MEOX2: variants seen among roughly 807,000 people sequenced by gnomAD.
MEOX2 encodes the protein homeobox protein MOX-2.
MEOX2 carries 11 observed loss-of-function variants against 27.0 expected under a neutral mutation model. The observed-to-expected ratio is 0.41, with a 90% CI of 0.26 to 0.68. The LOEUF is 0.68. Among genes scored for constraint, MEOX2 ranks in the 30% least tolerant of loss-of-function variants. MEOX2 has a pLI of 0.33. For missense variants in MEOX2, 436 were observed against 385.4 expected, an observed-to-expected ratio of 1.13 and a Z score of -1.10; for synonymous variants, 189 against 155.4, an observed-to-expected ratio of 1.22 and a Z score of -1.61.
At chr7:15,668,415 T>C (rs1782043292) in intron 1 of MEOX2, 1 of 152,250 alleles carries the variant, frequency 6.6e-6, no homozygotes, top group Admixed American at 6.5e-5. Flanking sequence ...GTTAATCTAC[T>C]GTTTATGTTA....
intron 1 of MEOX2, among the ~76,000 whole-genome samples, chr7:15,663,623 G>A (rs756516513): frequency 6.6e-6 from 1 of 152,154 alleles, no homozygotes; most frequent in African/African-American, 2.4e-5. Flanking sequence ...ACAGGCGTGA[G>A]CCACCGCGCC....
intron 2 of MEOX2, among the ~76,000 whole-genome samples, chr7:15,616,739 G>A (rs1039363318): frequency 1.3e-5 from 2 of 151,794 alleles, no homozygotes; most frequent in Non-Finnish European, 2.9e-5. Context: ...ACTACACAGA[G>A]TACAAGAATT....
chr7:15,677,545 T>C lies in MEOX2; in HGVS notation c.517+8341A>G, dbSNP rs187947841. On this transcript the variant is annotated intron_variant, in intron 1 of 2. Coordinates refer to ENST00000262041, the MANE Select transcript of MEOX2 (RefSeq NM_005924.5). ...AGCAACAAAAGAAGATTGGAGGACATGAAGACAGGTTACTGGATGATATTC... is the reference window on the plus strand; with the variant it reads ...AGCAACAAAAGAAGATTGGAGGACACGAAGACAGGTTACTGGATGATATTC... 10 of 152,342 alleles carry C rather than the reference T, an allele frequency of 6.6e-5. No homozygotes were observed. The East Asian group carries it at 1.9e-3, about 29-fold the overall frequency. The allele number at this position is 152,342 out of a possible 1,614,324, so 9.4% of individuals were successfully genotyped here. A position where few individuals can be genotyped will look rare whatever the true frequency, so the allele number is the denominator to read the frequency against.
intron 1 of MEOX2, among the ~76,000 whole-genome samples, chr7:15,637,811 G>C (rs1781508043): frequency 6.6e-6 from 1 of 151,896 alleles, no homozygotes; most frequent in African/African-American, 2.4e-5. Context: ...TTCTGAGGCT[G>C]GTTTTTGAAA....
intron 1 of MEOX2, chr7:15,678,812 A>AC (rs1365794192): frequency 6.6e-6 from 1 of 152,064 alleles, no homozygotes; most frequent in Non-Finnish European, 1.5e-5. Flanking sequence ...CCTAAGCTGG[A>AC]CCCTCCTCTA....
chr7:15,656,717 A>C (rs181767196), intron 1 of MEOX2, among the ~76,000 whole-genome samples: 161 of 152,130 alleles, frequency 1.1e-3, no homozygotes, highest in African/African-American at 3.4e-3. Context: ...TTTATGTAAC[A>C]ATAATAACAT....
intron 2 of MEOX2, among the ~76,000 whole-genome samples, chr7:15,620,617 A>G (rs1334222783): frequency 4.6e-5 from 7 of 151,718 alleles, no homozygotes; most frequent in Admixed American, 3.3e-4. Flanking sequence ...AGACAAAACC[A>G]CTCTTTATTT....
intron 1 of MEOX2, among the ~76,000 whole-genome samples, chr7:15,628,217 A>G (rs1781346085): frequency 6.6e-6 from 1 of 151,968 alleles, no homozygotes; most frequent in African/African-American, 2.4e-5. Flanking sequence ...TTAGTGTTCT[A>G]TTTCTTTCTG....
At chr7:15,640,966 G>T (rs1781550319) in intron 1 of MEOX2, among the ~76,000 whole-genome samples, 1 of 152,078 alleles carries the variant, frequency 6.6e-6, no homozygotes, top group Non-Finnish European at 1.5e-5. Flanking sequence ...ATGTTCATCA[G>T]AGATATTGGC....
chr7:15,628,542 A>G (rs1406636399), intron 1 of MEOX2, among the ~76,000 whole-genome samples: 1 of 152,030 alleles, frequency 6.6e-6, no homozygotes, highest in Non-Finnish European at 1.5e-5. Context: ...CTAGCTTCTC[A>G]CCTTAGCAGG....
intron 1 of MEOX2, chr7:15,681,874 C>A (rs2115398330): frequency 6.6e-6 from 1 of 151,848 alleles, no homozygotes; most frequent in South Asian, 2.1e-4. Context: ...TTAAAATGAA[C>A]TATAAATGAA....
chr7:15,616,742 C>G (rs1781129502), intron 2 of MEOX2, among the ~76,000 whole-genome samples: 1 of 151,780 alleles, frequency 6.6e-6, no homozygotes, highest in South Asian at 2.1e-4. Flanking sequence ...ACACAGAGTA[C>G]AAGAATTCTC....
At chr7:15,614,132 G>A (rs10259769) in intron 2 of MEOX2, among the ~76,000 whole-genome samples, 93,811 of 150,372 alleles carry the variant, frequency 0.62, 29,967 homozygotes, top group East Asian at 0.81. Context: ...ATATTCTATT[G>A]TGTCTTCTTC....
At chr7:15,657,200 C>T (rs1026956880) in intron 1 of MEOX2, among the ~76,000 whole-genome samples, 3 of 151,956 alleles carry the variant, frequency 2.0e-5, no homozygotes, top group Non-Finnish European at 2.9e-5. Flanking sequence ...TTAGGATTCT[C>T]GCAGCTGCTT....
intron 1 of MEOX2, among the ~76,000 whole-genome samples, chr7:15,658,014 C>A (rs1183835009): frequency 6.6e-6 from 1 of 152,190 alleles, no homozygotes; most frequent in Non-Finnish European, 1.5e-5. Context: ...ATTTCTAGCT[C>A]CCCACTCGGC....
chr7:15,615,897 C>G (rs1234631724), intron 2 of MEOX2, among the ~76,000 whole-genome samples: 2 of 151,704 alleles, frequency 1.3e-5, no homozygotes, highest in South Asian at 2.1e-4. Flanking sequence ...ATTTCTTTTT[C>G]TAGGAGAAGG....
chr7:15,662,079 C>G (rs907669122), intron 1 of MEOX2, among the ~76,000 whole-genome samples: 1 of 101,118 alleles, frequency 9.9e-6, no homozygotes, highest in Admixed American at 1.5e-4. Flanking sequence ...CCCCACCCCC[C>G]ACCCTACCAA....
intron 1 of MEOX2, among the ~76,000 whole-genome samples, chr7:15,631,298 A>C (rs1216401896): frequency 1.3e-5 from 2 of 151,406 alleles, no homozygotes; most frequent in Non-Finnish European, 2.9e-5. Context: ...CTTTTTCACT[A>C]TCTGTCCTCT....
chr7:15,623,264 A>G (rs1002719209), intron 2 of MEOX2, among the ~76,000 whole-genome samples: 2 of 152,364 alleles, frequency 1.3e-5, no homozygotes, highest in African/African-American at 4.8e-5. Context: ...CTTCAAGAAT[A>G]GCAAAGTTGA....
Sources: allele counts gnomAD v4.1 joint callset (sites outside exome capture counted in the v4.1 genomes callset), GRCh38; gene constraint gnomAD v4.1.1; transcripts MANE v1.5; gene names NCBI Gene and HGNC (gene_info 2026-07-23, HGNC 2026-07-21).